ANXA6: variants seen among roughly 807,000 people sequenced by gnomAD.
ANXA6 encodes the protein annexin A6.
A neutral mutation model predicts 95.4 loss-of-function variants in ANXA6; 71 were observed. That is an observed-to-expected ratio of 0.74 (90% CI 0.61 to 0.91). The LOEUF (loss-of-function observed/expected upper bound fraction) is 0.91. Ranked by LOEUF, ANXA6 falls within the 40% of genes least tolerant of loss-of-function variation. The probability of loss-of-function intolerance (pLI) is 0.00; values close to 1 mark genes in which losing one functional copy is unlikely to be tolerated. For synonymous variants in ANXA6, 289 were observed against 315.9 expected, an observed-to-expected ratio of 0.91 and a Z score of 0.90; for missense variants, 830 against 876.4, an observed-to-expected ratio of 0.95 and a Z score of 0.67.
At position 151,140,200 on chromosome 5, in the gene ANXA6, T is replaced by A. The variant is rs374142278; in HGVS notation, c.62A>T (p.Asp21Val). 3 of 1,613,626 alleles carry A rather than the reference T, an allele frequency of 1.9e-6. No homozygotes were observed. In the African/African-American group the frequency reaches 4.0e-5, roughly 22 times the overall value. ...RGSIHDFPGF[D>V]PNQDAEALYT... is the part of the protein sequence containing the mutation. ...CAGAGCCTCGGCATCCTGGTTGGGG[T>A]CAAAGCCTGGGAAGTCATGGATGGA... Residue 21 changes from aspartate (D) to valine (V), a missense_variant, in exon 3 of 26, where the codon GAC becomes GTC. Physicochemically the swap from Asp to Val is radical, Grantham distance 152 (BLOSUM62 -3). Coordinates refer to ENST00000354546, the MANE Select transcript of ANXA6 (RefSeq NM_001155.5).
chr5:151,119,505 TC>T, intron 17 of ANXA6, 115 bp from the exon 18 acceptor site: 1 of 858,230 alleles, frequency 1.2e-6, no homozygotes, highest in Non-Finnish European at 1.9e-6. Flanking sequence ...TCTCCTCACC[TC>T]CAGACATGGC....
chr5:151,119,455 G>T, intron 17 of ANXA6, 65 bp from the exon 18 acceptor site: 3 of 1,395,328 alleles, frequency 2.2e-6, no homozygotes, highest in Non-Finnish European at 2.0e-6. Context: ...GGTCCATGGG[G>T]CCCGGACGGC....
intron 2 of ANXA6, chr5:151,141,487 A>G: frequency 1.0e-6 from 1 of 984,602 alleles, no homozygotes. Context: ...AAATCAGGAA[A>G]GAATCCAAAA....
In ANXA6 at chr5:151,124,289, G is replaced by C; in HGVS notation, c.1135C>G (p.Leu379Val). ...GCTCCCTTCCCATCCCCCATACCGA[G>C]TCCCTTCATGGCTTTCCGCAGCGCT... The part of the protein sequence containing the change: ...AKALRKAMKG[L>V]GTDEDTIIDI... Residue 379 changes from leucine (L) to valine (V), a missense_variant, in exon 15 of 26, where the codon CTC becomes GTC. Transcript: ENST00000354546. 6.2e-7 allele frequency: 1 copy of C among 1,613,510 alleles called. No individual in the cohort carries two copies. The highest frequency in any genetic ancestry group is 8.5e-7 in the Non-Finnish European group (1 of 1,179,700).
intron 23 of ANXA6, among the ~76,000 whole-genome samples, chr5:151,107,492 A>C (rs34756215): frequency 0.028 from 4,259 of 152,306 alleles, 80 homozygotes; most frequent in South Asian, 0.071. Context: ...GTGCTAAACA[A>C]CACCCCTACC....
At position 151,137,341 on chromosome 5, in the gene ANXA6, G is replaced by A. The variant is rs183081295; in HGVS notation, c.319-20C>T. ...AATGCCCTGGGGGTAGAAAAAGAGC[G>A]CATGAATTAAGGGCAGGGATGGGAG... On this transcript the variant is annotated intron_variant, in intron 5 of 25. Coordinates refer to ENST00000354546, the MANE Select transcript of ANXA6 (RefSeq NM_001155.5). The A allele has an allele frequency of 2.1e-4, 335 of 1,601,948 alleles. No individual in the cohort carries two copies. The highest frequency in any genetic ancestry group is 2.5e-4 in the Non-Finnish European group (291 of 1,171,936).
chr5:151,154,333 T>A (rs945592309), intron 1 of ANXA6, among the ~76,000 whole-genome samples: 24 of 132,740 alleles, frequency 1.8e-4, no homozygotes, highest in Non-Finnish European at 3.4e-4. Context: ...ATATATATAT[T>A]GATCCCATAC....
chr5:151,140,281 G>A lies in ANXA6; in HGVS notation c.19-38C>T, dbSNP rs150026303. On this transcript the variant is annotated intron_variant, in intron 2 of 25. Transcript: ENST00000354546. ...AAGTAGAGGGTGAGCTGCCAACCCC[G>A]GACTGAGACCAAGCTCCCAGCCCCA... 410 of 1,578,498 alleles carry A rather than the reference G, an allele frequency of 2.6e-4. 2 individuals carry two copies. The East Asian group carries it at 7.7e-3, about 30-fold the overall frequency.
chr5:151,111,954 A>ATT (rs111874839), intron 20 of ANXA6, among the ~76,000 whole-genome samples: 39 of 145,374 alleles, frequency 2.7e-4, no homozygotes, highest in African/African-American at 9.5e-4. Context: ...AGCCCAGTTA[A>ATT]TTTTTTTTTT....
chr5:151,134,046 T>C (rs994091038), intron 8 of ANXA6, among the ~76,000 whole-genome samples: 7 of 152,350 alleles, frequency 4.6e-5, no homozygotes, highest in South Asian at 4.1e-4. Flanking sequence ...AGTATATTGA[T>C]AGAGAAGGTG....
intron 14 of ANXA6, among the ~76,000 whole-genome samples, chr5:151,124,961 C>G (rs949101297): frequency 4.6e-5 from 7 of 152,192 alleles, no homozygotes; most frequent in African/African-American, 1.7e-4. Context: ...TTTAAAATTA[C>G]TCCCAAAAGG....
intron 13 of ANXA6, 140 bp downstream of exon 13, chr5:151,128,041 C>T: frequency 1.4e-6 from 1 of 719,480 alleles, no homozygotes; most frequent in South Asian, 1.6e-5. Flanking sequence ...CCAGCAAAAG[C>T]CGCCTTTCAC....
chr5:151,103,881 C>T (rs538297917), intron 24 of ANXA6, among the ~76,000 whole-genome samples, 189 bp from the exon 25 acceptor site: 8 of 152,266 alleles, frequency 5.3e-5, no homozygotes, highest in African/African-American at 1.4e-4. Context: ...CAGACTGACA[C>T]GCAAAAAAGA....
At chr5:151,108,123 G>A (rs1764748762) in intron 23 of ANXA6, among the ~76,000 whole-genome samples, 1 of 151,996 alleles carries the variant, frequency 6.6e-6, no homozygotes, top group Non-Finnish European at 1.5e-5. Context: ...TATAGTATGT[G>A]TCTTGTATAT....
intron 14 of ANXA6, 41 bp downstream of exon 14, chr5:151,126,361 C>T (rs375198250): frequency 6.5e-7 from 1 of 1,546,784 alleles, no homozygotes; most frequent in African/African-American, 1.4e-5. Context: ...AGCAGAGAAG[C>T]TGTGGTCAAG....
At chr5:151,141,760 T>A in intron 2 of ANXA6, 1 of 970,976 alleles carries the variant, frequency 1.0e-6, no homozygotes, top group Non-Finnish European at 1.2e-6. Context: ...CACCTGGGAA[T>A]CCCCTGCAAC....
At chr5:151,139,034 C>T (rs77266109) in intron 4 of ANXA6, 22,400 of 594,804 alleles carry the variant, frequency 0.038, 1,896 homozygotes, top group African/African-American at 0.21. Flanking sequence ...CAGCCCTGTG[C>T]CACTTCCCCA....
intron 20 of ANXA6, among the ~76,000 whole-genome samples, chr5:151,111,044 C>T (rs901559279): frequency 6.6e-6 from 1 of 152,166 alleles, no homozygotes; most frequent in African/African-American, 2.4e-5. Context: ...TAAATGTGAG[C>T]AGTGCAAAGT....
intron 11 of ANXA6, among the ~76,000 whole-genome samples, chr5:151,129,773 C>A (rs552224423): frequency 6.6e-6 from 1 of 151,996 alleles, no homozygotes; most frequent in South Asian, 2.1e-4. Flanking sequence ...TGCAGTGGTA[C>A]GATCTCAGCT....
Sources: allele counts gnomAD v4.1 joint callset (sites outside exome capture counted in the v4.1 genomes callset), GRCh38; gene constraint gnomAD v4.1.1; transcripts MANE v1.5; gene names NCBI Gene and HGNC (gene_info 2026-07-23, HGNC 2026-07-21).